Variants in BICDL2 observed in about 807,000 individuals in gnomAD.
BICDL2 encodes the protein BICD family like cargo adaptor 2.
Under a neutral mutation model 56.6 loss-of-function variants are expected in BICDL2, and 62 were observed. The observed-to-expected ratio is 1.10, with a 90% CI of 0.89 to 1.35. The LOEUF (loss-of-function observed/expected upper bound fraction) is 1.35. Ranked by LOEUF, BICDL2 falls within the 40% of genes most tolerant of loss-of-function variation. The pLI, the probability that BICDL2 is intolerant of heterozygous loss-of-function variation, is 0.00. For synonymous variants in BICDL2, 358 were observed against 319.8 expected (o/e 1.12, Z -1.27); for missense variants, 808 against 684.5 (o/e 1.18, Z -2.01).
At position 3,030,431 on chromosome 16, in the gene BICDL2, C is replaced by G. The variant is rs747555854; in HGVS notation, c.762+18G>C. ...CTAAGGGTCCAGGCAGTTGTAGTCCCCCAGCCCTGCAGGTCACCTCCAGGC... is the reference window on the plus strand; with the variant it reads ...CTAAGGGTCCAGGCAGTTGTAGTCCGCCAGCCCTGCAGGTCACCTCCAGGC... On this transcript the variant is annotated intron_variant, in intron 5 of 9. Coordinates refer to ENST00000572449, the MANE Select transcript of BICDL2 (RefSeq NM_001369667.1). 3 of 1,597,208 alleles carry G rather than the reference C, an allele frequency of 1.9e-6. No individual in the cohort carries two copies. The highest frequency in any genetic ancestry group is 2.5e-6 in the Non-Finnish European group (3 of 1,177,816).
In BICDL2 at chr16:3,031,064, C is replaced by A; in HGVS notation, c.369G>T (p.Gly123=). 6.5e-7 allele frequency: 1 copy of A among 1,537,984 alleles called. No homozygotes were observed. ...EWEARAVELE[G]DVEALRAQLG... ...GCTGGGCCCGCAGGGCCTCCACGTC[C>A]CCCTCCAGCTCCACGGCCCGGGCCT... Residue 123 remains glycine (G), a synonymous_variant, in exon 3 of 10, where the codon GGG becomes GGT. Coordinates refer to ENST00000572449, the MANE Select transcript of BICDL2 (RefSeq NM_001369667.1).
chr16:3,031,081 C>T lies in BICDL2; in HGVS notation c.352G>A (p.Ala118Thr). The T allele has an allele frequency of 6.5e-7, 1 of 1,536,828 alleles. No homozygotes were observed. The highest frequency in any genetic ancestry group is 8.7e-7 in the Non-Finnish European group (1 of 1,146,728). ...TCCACGTCCCCCTCCAGCTCCACGG[C>T]CCGGGCCTCCCACTCGGCTCCTCGG... ...AARGAEWEARAVELEGDVEAL... is the reference protein window; with the variant it reads ...AARGAEWEARTVELEGDVEAL... Residue 118 changes from alanine (A) to threonine (T), a missense_variant, in exon 3 of 10, where the codon GCC (alanine) becomes ACC (threonine). Transcript: ENST00000572449.
At chr16:3,031,480 T>C in intron 2 of BICDL2, 1 of 525,854 alleles carries the variant, frequency 1.9e-6, no homozygotes, top group Admixed American at 3.5e-5. Flanking sequence ...TCTGGCAGAG[T>C]TCAAGCCCCG....
In BICDL2 at chr16:3,033,859, C is replaced by T. The variant is rs540045753; in HGVS notation, c.282+1356G>A. Among the ~76,000 whole-genome samples, 60 of 151,666 alleles carry T rather than the reference C, an allele frequency of 4.0e-4. 1 individual carries two copies. The South Asian group carries it at 0.012, about 30-fold the overall frequency. On this transcript the variant is annotated intron_variant, in intron 2 of 9. Coordinates refer to ENST00000572449, the MANE Select transcript of BICDL2 (RefSeq NM_001369667.1). Reference sequence around the variant, plus strand: ...GCTCTGGTCCTCAAGGTTGGGAAGGCGAGGATGGGGACAGCAGGTGATGGG... The same window carrying T: ...GCTCTGGTCCTCAAGGTTGGGAAGGTGAGGATGGGGACAGCAGGTGATGGG...
At chr16:3,034,691 T>A (rs1459573106) in intron 2 of BICDL2, among the ~76,000 whole-genome samples, 1 of 118,822 alleles carries the variant, frequency 8.4e-6, no homozygotes, top group Non-Finnish European at 1.8e-5. Flanking sequence ...CTTCCTTCCT[T>A]CCCCTTCCTT....
intron 5 of BICDL2, chr16:3,029,950 C>G (rs893799798): frequency 1.9e-6 from 1 of 539,470 alleles, no homozygotes; most frequent in Non-Finnish European, 3.2e-6. Context: ...AGGGCCGCAC[C>G]TCGAAGAGCC....
In BICDL2 at chr16:3,031,040, C is replaced by G. The variant is rs1955646302; in HGVS notation, c.393G>C (p.Gln131His). The change falls in exon 3 of 10, where the codon CAG (glutamine) becomes CAC (histidine). Residue 131 changes from glutamine (Q) to histidine (H), a missense_variant. Physicochemically the swap from Gln to His is conservative, Grantham distance 24. Coordinates refer to ENST00000572449, the MANE Select transcript of BICDL2 (RefSeq NM_001369667.1). ...GCTGCTCTGAGCGCTGCTCCCCAAG[C>G]TGGGCCCGCAGGGCCTCCACGTCCC... ...LEGDVEALRA[Q>H]LGEQRSEQQD... The G allele has an allele frequency of 1.3e-6, 2 of 1,542,298 alleles. No homozygotes were observed. Among genetic ancestry groups the G allele is most frequent in the African/African-American group, 2.7e-5 (2 of 73,168 alleles).
intron 2 of BICDL2, 40 bp downstream of exon 2, chr16:3,035,175 C>CAGGGCCGGGGGGGGGGGGGGGGG: frequency 2.6e-6 from 1 of 387,928 alleles, no homozygotes; most frequent in Non-Finnish European, 4.2e-6. Flanking sequence ...CCGTCCTCCC[C>CAGGGCCGGGGGGGGGGGGGGGGG]TGCCCACCCA....
rs899619237 is a variant in BICDL2, at chr16:3,034,993, AGGTACTGTGCCC to A, written c.282+210_282+221del. On this transcript the variant is annotated intron_variant, in intron 2 of 9. Coordinates refer to ENST00000572449, the MANE Select transcript of BICDL2 (RefSeq NM_001369667.1). ...CCAAAGTGCTGGGATTACAGGTGTG[AGGTACTGTGCCC>A]GGCACCCAGAGTTCATGTTCTTTGC... 5 of 567,978 alleles carry A rather than the reference AGGTACTGTGCCC, an allele frequency of 8.8e-6. No homozygotes were observed. In the African/African-American group the frequency reaches 9.4e-5, roughly 11 times the overall value. The allele number at this position is 567,978 out of a possible 1,614,324, so 35.2% of individuals were successfully genotyped here. A position where few individuals can be genotyped will look rare whatever the true frequency, so the allele number is the denominator to read the frequency against.
At position 3,029,545 on chromosome 16, in the gene BICDL2, C is replaced by T. The variant is rs778544976; in HGVS notation, c.957G>A (p.Pro319=). ...GGGGGCTGGGGCCCCACGAGCTCACCGGGGTGTCTCCGGGTGCGTCGGCGC... is the reference window on the plus strand; with the variant it reads ...GGGGGCTGGGGCCCCACGAGCTCACTGGGGTGTCTCCGGGTGCGTCGGCGC... ...GQGADAPGDT[P]TTRSPKTRKA... is the part of the protein sequence containing the mutation. The change falls in exon 6 of 10, where the codon CCG becomes CCA. Residue 319 remains proline, a splice_region_variant and synonymous_variant. Coordinates refer to ENST00000572449, the MANE Select transcript of BICDL2 (RefSeq NM_001369667.1). 6 of 1,552,688 alleles carry T rather than the reference C, an allele frequency of 3.9e-6. No individual in the cohort carries two copies. The highest frequency in any genetic ancestry group is 5.2e-6 in the Non-Finnish European group (6 of 1,154,240).
chr16:3,028,544 A>G (rs1024856448), intron 8 of BICDL2, 76 bp from the exon 9 acceptor site: 10 of 1,535,818 alleles, frequency 6.5e-6, no homozygotes, highest in African/African-American at 1.4e-5. Context: ...GGACTTCTGT[A>G]CCCGGGCGGG....
At chr16:3,029,251 T>C in intron 7 of BICDL2, 29 bp downstream of exon 7, 1 of 1,602,320 alleles carries the variant, frequency 6.2e-7, no homozygotes, top group Non-Finnish European at 8.5e-7. Context: ...GGAGGGGCCG[T>C]GCATCCAGCA....
At chr16:3,029,779 G>C (rs1395541893) in intron 5 of BICDL2, 40 bp from the exon 6 acceptor site, 3 of 1,442,608 alleles carry the variant, frequency 2.1e-6, no homozygotes, top group Admixed American at 3.0e-5. Flanking sequence ...GGCGGTCAGC[G>C]GGACGCACGC....
Position 3,030,999 on chromosome 16 carries a change from T to C in BICDL2, c.434A>G (p.Glu145Gly), listed in dbSNP as rs770365024. The C allele has an allele frequency of 7.7e-6, 12 of 1,553,430 alleles. No individual in the cohort carries two copies. The highest frequency in any genetic ancestry group is 1.0e-5 in the Non-Finnish European group (12 of 1,155,828). ...GAGCTCGCTGAGGGCCCGTGCCCGT[T>C]CTCGCCCACTGTCCTGCTGCTCTGA... ...QRSEQQDSGRERARALSELSE... is the reference protein window; with the variant it reads ...QRSEQQDSGRGRARALSELSE... Residue 145 changes from glutamate to glycine, a missense_variant, in exon 3 of 10, where the codon GAA (glutamate) becomes GGA (glycine). Transcript: ENST00000572449.
At chr16:3,030,271 A>T in intron 5 of BICDL2, 178 bp downstream of exon 5, 1 of 761,932 alleles carries the variant, frequency 1.3e-6, no homozygotes. Context: ...CTCTAAGAGC[A>T]TGCCTCACCT....
rs779222347 is a variant in BICDL2, at chr16:3,028,417, G to A, written c.1290C>T (p.Ser430=). The A allele has an allele frequency of 7.1e-6, 11 of 1,558,794 alleles. No individual in the cohort carries two copies. The highest frequency in any genetic ancestry group is 9.5e-6 in the Non-Finnish European group (11 of 1,160,944). ...QLNRVSLERD[S]LSRELLRAIR... is the part of the protein sequence containing the mutation. Reference sequence around the variant, plus strand: ...TGGCGCGCAGCAGCTCCCGAGACAGGGAGTCTCGCTCCAGCGAGACGCGGT... The same window carrying A: ...TGGCGCGCAGCAGCTCCCGAGACAGAGAGTCTCGCTCCAGCGAGACGCGGT... Residue 430 remains serine (S), a synonymous_variant, in exon 9 of 10, where the codon TCC becomes TCT. Coordinates refer to ENST00000572449, the MANE Select transcript of BICDL2 (RefSeq NM_001369667.1).
intron 1 of BICDL2, 42 bp downstream of exon 1, chr16:3,036,852 A>G (rs535503356): frequency 4.3e-5 from 13 of 300,816 alleles, no homozygotes; most frequent in South Asian, 3.2e-4. Flanking sequence ...GGCCCTCCCC[A>G]GGCTCGAGGG....
chr16:3,035,821 T>C, intron 1 of BICDL2: 2 of 400,952 alleles, frequency 5.0e-6, no homozygotes, highest in Non-Finnish European at 9.1e-6. Context: ...CTCTGCTCCC[T>C]GTCCCCTCTC....
rs1164339489 is a variant in BICDL2, at chr16:3,027,743, C to CT, written c.*362dup. ...TTTTTTTTTACAATAAAGTTTCAGG[C>CT]TTTTTTACCATGCTCTTTCTTTCTA... is the stretch of plus-strand genomic sequence containing the variant. On this transcript the variant is annotated 3_prime_UTR_variant, in exon 10 of 10. Coordinates refer to ENST00000572449, the MANE Select transcript of BICDL2 (RefSeq NM_001369667.1). 23 of 1,411,598 alleles carry CT rather than the reference C, an allele frequency of 1.6e-5. No homozygotes were observed. In the East Asian group the frequency reaches 2.6e-4, roughly 16 times the overall value. 87.4% of individuals were successfully genotyped at this position (1,411,598 alleles called of 1,614,324 possible). A position where few individuals can be genotyped will look rare whatever the true frequency, so the allele number is the denominator to read the frequency against.
Sources: allele counts gnomAD v4.1 joint callset (sites outside exome capture counted in the v4.1 genomes callset), GRCh38; gene constraint gnomAD v4.1.1; transcripts MANE v1.5; gene names NCBI Gene and HGNC (gene_info 2026-07-23, HGNC 2026-07-21).